Variants in OXCT1 observed in about 807,000 individuals in gnomAD.
The protein encoded by OXCT1 is succinyl-CoA:3-ketoacid coenzyme A transferase 1, mitochondrial.
OXCT1 carries 27 observed loss-of-function variants against 69.6 expected under a neutral mutation model. That is an observed-to-expected ratio of 0.39 (90% confidence interval 0.29 to 0.54). The LOEUF (loss-of-function observed/expected upper bound fraction) is 0.54. OXCT1 is among the 20% of genes least tolerant of loss of function. OXCT1 has a pLI of 0.72. For synonymous variants in OXCT1, 202 were observed against 217.8 expected, an observed-to-expected ratio of 0.93 and a Z score of 0.64; for missense variants, 437 against 650.2, an observed-to-expected ratio of 0.67 and a Z score of 3.57.
chr5:41,763,984 G>A (rs1197316608), intron 13 of OXCT1, among the ~76,000 whole-genome samples: 1 of 152,142 alleles, frequency 6.6e-6, no homozygotes, highest in African/African-American at 2.4e-5. Context: ...ACAAACCAGT[G>A]TGCTGGCAAG....
intron 16 of OXCT1, 52 bp from the exon 17 acceptor site, chr5:41,731,822 T>A: frequency 6.4e-7 from 1 of 1,567,112 alleles, no homozygotes. Context: ...ATGATATAAA[T>A]CTCTCTCCTT....
intron 7 of OXCT1, among the ~76,000 whole-genome samples, chr5:41,814,432 T>A (rs1489280517): frequency 6.6e-6 from 1 of 152,090 alleles, no homozygotes. Flanking sequence ...ACATGTATGT[T>A]TATTGCGGCT....
At chr5:41,779,562 G>T (rs1745294863) in intron 13 of OXCT1, among the ~76,000 whole-genome samples, 1 of 151,978 alleles carries the variant, frequency 6.6e-6, no homozygotes, top group African/African-American at 2.4e-5. Context: ...GCTAAAACTA[G>T]AATTCAGGTC....
chr5:41,866,016 C>T (rs1749950606), intron 1 of OXCT1, among the ~76,000 whole-genome samples: 1 of 115,032 alleles, frequency 8.7e-6, no homozygotes, highest in Non-Finnish European at 1.7e-5. Flanking sequence ...TTTATATGTA[C>T]AGTAGACCCC....
chr5:41,841,234 A>G (rs988381625), intron 6 of OXCT1, among the ~76,000 whole-genome samples: 3 of 152,174 alleles, frequency 2.0e-5, no homozygotes, highest in Non-Finnish European at 4.4e-5. Flanking sequence ...TTTCTTTGGT[A>G]AAAGGAAGTA....
chr5:41,786,696 T>A (rs1049156110), intron 13 of OXCT1, among the ~76,000 whole-genome samples: 1 of 152,140 alleles, frequency 6.6e-6, no homozygotes, highest in African/African-American at 2.4e-5. Flanking sequence ...ACAGAATAGG[T>A]TAAAGAGTAC....
intron 13 of OXCT1, among the ~76,000 whole-genome samples, chr5:41,763,836 T>C (rs906394920): frequency 6.6e-6 from 1 of 152,128 alleles, no homozygotes; most frequent in African/African-American, 2.4e-5. Flanking sequence ...CTGTCCCCTG[T>C]GACAAAATGG....
chr5:41,819,404 C>CTCG (rs1209728124), intron 7 of OXCT1, among the ~76,000 whole-genome samples: 1 of 152,050 alleles, frequency 6.6e-6, no homozygotes, highest in African/African-American at 2.4e-5. Context: ...TGGAGTTTCA[C>CTCG]TCGTTACCCA....
intron 16 of OXCT1, 109 bp downstream of exon 16, chr5:41,739,281 G>T: frequency 1.3e-6 from 1 of 790,866 alleles, no homozygotes; most frequent in Non-Finnish European, 2.2e-6. Context: ...TCACTGTAAA[G>T]GTCAACTCCA....
chr5:41,798,390 T>C (rs1746277160), intron 11 of OXCT1, among the ~76,000 whole-genome samples: 3 of 152,152 alleles, frequency 2.0e-5, no homozygotes, highest in Admixed American at 6.6e-5. Flanking sequence ...CTATTGAGCA[T>C]TGGGGCTGGT....
intron 16 of OXCT1, among the ~76,000 whole-genome samples, chr5:41,738,982 G>A (rs1203489868): frequency 2.0e-5 from 3 of 152,198 alleles, no homozygotes; most frequent in Non-Finnish European, 4.4e-5. Context: ...AAAGTCATAA[G>A]TCATAGATGG....
chr5:41,841,711 A>T (rs1748634231), intron 6 of OXCT1, among the ~76,000 whole-genome samples: 1 of 152,370 alleles, frequency 6.6e-6, no homozygotes, highest in Middle Eastern at 3.4e-3. Flanking sequence ...TTTTTTAAAA[A>T]GCAACTAAAC....
chr5:41,763,888 A>C (rs546177665), intron 13 of OXCT1, among the ~76,000 whole-genome samples: 11 of 152,190 alleles, frequency 7.2e-5, no homozygotes, highest in South Asian at 2.1e-4. Context: ...ACAAGAAGGA[A>C]GCCTGCCCAA....
At chr5:41,767,084 G>A (rs949971094) in intron 13 of OXCT1, among the ~76,000 whole-genome samples, 1 of 152,026 alleles carries the variant, frequency 6.6e-6, no homozygotes. Flanking sequence ...CTAAAGAGTA[G>A]GAGAGAGGAA....
At chr5:41,818,824 C>T (rs542706814) in intron 7 of OXCT1, among the ~76,000 whole-genome samples, 1 of 151,750 alleles carries the variant, frequency 6.6e-6, no homozygotes, top group South Asian at 2.1e-4. Flanking sequence ...TCACTTTTTC[C>T]CACATTTCTT....
chr5:41,856,325 T>C (rs1177223775), intron 3 of OXCT1, among the ~76,000 whole-genome samples: 1 of 152,196 alleles, frequency 6.6e-6, no homozygotes, highest in Non-Finnish European at 1.5e-5. Context: ...TCCAGAATTC[T>C]GGCTTTGGTG....
chr5:41,809,272 T>C (rs1746845675), intron 7 of OXCT1, among the ~76,000 whole-genome samples: 1 of 152,048 alleles, frequency 6.6e-6, no homozygotes, highest in Non-Finnish European at 1.5e-5. Context: ...ACTTTTATAA[T>C]CAAAACTGAA....
chr5:41,775,752 C>G (rs1345928828), intron 13 of OXCT1, among the ~76,000 whole-genome samples: 1 of 152,026 alleles, frequency 6.6e-6, no homozygotes, highest in African/African-American at 2.4e-5. Flanking sequence ...GTCACATTAG[C>G]GTAAATTCAG....
At chr5:41,775,501 C>T (rs745491779) in intron 13 of OXCT1, among the ~76,000 whole-genome samples, 8 of 152,192 alleles carry the variant, frequency 5.3e-5, no homozygotes, top group Non-Finnish European at 8.8e-5. Flanking sequence ...GCCACTCTCC[C>T]AGAGCCCTGA....
Sources: gnomAD v4.1 joint callset for allele counts (sites outside exome capture counted in the v4.1 genomes callset) on GRCh38, gnomAD v4.1.1 for gene constraint, MANE v1.5 for transcripts, NCBI Gene and HGNC (gene_info 2026-07-23, HGNC 2026-07-21) for gene names.